Variants in SNX13 observed in about 807,000 individuals in gnomAD.
SNX13 encodes the protein sorting nexin-13.
A neutral mutation model predicts 133.6 loss-of-function variants in SNX13; 45 were observed. That is an observed-to-expected ratio of 0.34 (90% CI 0.27 to 0.43). The LOEUF is 0.43. Ranked by LOEUF, SNX13 falls within the 20% of genes least tolerant of loss-of-function variation. SNX13 has a pLI of 1.00. For missense variants in SNX13, 1,032 were observed against 1,145.1 expected (o/e 0.90, Z 1.43); for synonymous variants, 414 against 373.9 (o/e 1.11, Z -1.24).
chr7:17,871,245 T>C (rs1794084110), intron 8 of SNX13, among the ~76,000 whole-genome samples: 3 of 152,150 alleles, frequency 2.0e-5, no homozygotes, highest in Non-Finnish European at 4.4e-5. Context: ...GACCTCGTGA[T>C]CCGCCCACCT....
At chr7:17,804,407 A>C (rs1052998007) in intron 20 of SNX13, among the ~76,000 whole-genome samples, 2 of 152,170 alleles carry the variant, frequency 1.3e-5, no homozygotes, top group African/African-American at 4.8e-5. Flanking sequence ...TTATATGTGC[A>C]ATTAAAATCT....
At chr7:17,868,650 T>C (rs1409136313) in intron 8 of SNX13, among the ~76,000 whole-genome samples, 160 bp from the exon 9 acceptor site, 2 of 152,114 alleles carry the variant, frequency 1.3e-5, no homozygotes, top group African/African-American at 2.4e-5. Flanking sequence ...TGAACTACTA[T>C]GCCTCAGTTT....
At chr7:17,841,343 A>G (rs1277569483) in intron 12 of SNX13, among the ~76,000 whole-genome samples, 2 of 152,092 alleles carry the variant, frequency 1.3e-5, no homozygotes, top group African/African-American at 4.8e-5. Context: ...TGGGAAAATT[A>G]GAAAGTGACT....
At chr7:17,805,579 C>T (rs1197166511) in intron 20 of SNX13, among the ~76,000 whole-genome samples, 3 of 152,126 alleles carry the variant, frequency 2.0e-5, no homozygotes, top group Non-Finnish European at 2.9e-5. Context: ...AATCTCCAAC[C>T]TGAGTTTAAA....
Position 17,839,759 on chromosome 7 carries a change from T to A in SNX13, c.1359+48A>T, listed in dbSNP as rs780367147. The stretch of plus-strand genomic sequence containing the variant: ...CATAAGCAATGGATTACAAAAATTA[T>A]TAATAATACTGCTAAAGAAGAAAAC... On this transcript the variant is annotated intron_variant, in intron 13 of 25. Transcript: ENST00000428135. 103 of 1,467,448 alleles carry A rather than the reference T, an allele frequency of 7.0e-5. 2 individuals are homozygous for A. The South Asian group carries it at 1.4e-3, about 20-fold the overall frequency. 90.9% of individuals were successfully genotyped at this position (1,467,448 alleles called of 1,614,324 possible). A position where few individuals can be genotyped will look rare whatever the true frequency, so the allele number is the denominator to read the frequency against.
At chr7:17,880,916 A>T (rs956085385) in intron 5 of SNX13, 1 of 152,140 alleles carries the variant, frequency 6.6e-6, no homozygotes, top group African/African-American at 2.4e-5. Flanking sequence ...TGAGCAGAAG[A>T]GGGGGATGAG....
At chr7:17,805,554 C>T (rs1268612361) in intron 20 of SNX13, among the ~76,000 whole-genome samples, 1 of 152,120 alleles carries the variant, frequency 6.6e-6, no homozygotes, top group African/African-American at 2.4e-5. Flanking sequence ...GCATAAAAGG[C>T]ATGAATTTCA....
chr7:17,827,245 C>A (rs1478555962), intron 16 of SNX13, among the ~76,000 whole-genome samples: 1 of 152,016 alleles, frequency 6.6e-6, no homozygotes, highest in African/African-American at 2.4e-5. Flanking sequence ...TAGCAAATCA[C>A]TGAGCCTGGG....
At position 17,826,090 on chromosome 7, in the gene SNX13, G is replaced by T; in HGVS notation, c.1637C>A (p.Ser546Tyr). ...AGAAACATTTGAAAGGTCATCTAAA[G>T]ACTGAGAAAAAAAAATCAGGAAACA... ...NGSPTGSINLSLDDLSNVSSD... is the reference protein window; with the variant it reads ...NGSPTGSINLYLDDLSNVSSD... The change falls in exon 17 of 26, where the codon TCT (serine) becomes TAT (tyrosine). Residue 546 changes from serine (S) to tyrosine (Y), a missense_variant and splice_region_variant. Ser to Tyr is a moderately radical substitution (Grantham distance 144). Coordinates refer to ENST00000428135, the MANE Select transcript of SNX13 (RefSeq NM_015132.5). 6.6e-7 allele frequency: 1 copy of T among 1,513,830 alleles called. No homozygotes were observed. The highest frequency in any genetic ancestry group is 8.8e-7 in the Non-Finnish European group (1 of 1,130,254). The allele number at this position is 1,513,830 out of a possible 1,614,324, so 93.8% of individuals were successfully genotyped here.
rs368516339 is a variant in SNX13, at chr7:17,853,479, T to C, written c.838-2515A>G. Among the ~76,000 whole-genome samples, 6 of 152,276 alleles carry C rather than the reference T, an allele frequency of 3.9e-5. No homozygotes were observed. In the East Asian group the frequency reaches 7.7e-4, roughly 20 times the overall value. ...TACATAGAGGGGATCAATTATACAGTGGAAGTTGACTTCTAATTAGAAACA... is the reference window on the plus strand; with the variant it reads ...TACATAGAGGGGATCAATTATACAGCGGAAGTTGACTTCTAATTAGAAACA... On this transcript the variant is annotated intron_variant, in intron 9 of 25. Coordinates refer to ENST00000428135, the MANE Select transcript of SNX13 (RefSeq NM_015132.5).
At chr7:17,862,990 C>G (rs535467879) in intron 9 of SNX13, among the ~76,000 whole-genome samples, 2 of 152,264 alleles carry the variant, frequency 1.3e-5, no homozygotes, top group South Asian at 4.2e-4. Flanking sequence ...CCCCTCAACC[C>G]TGGACAGCAC....
chr7:17,871,631 C>G (rs1311348723), intron 8 of SNX13, among the ~76,000 whole-genome samples: 2 of 152,174 alleles, frequency 1.3e-5, no homozygotes, highest in East Asian at 3.8e-4. Context: ...GTCTGTTTAA[C>G]CAGAATTCCC....
chr7:17,878,014 T>A (rs1245963546), intron 5 of SNX13, among the ~76,000 whole-genome samples: 1 of 152,066 alleles, frequency 6.6e-6, no homozygotes, highest in Admixed American at 6.5e-5. Flanking sequence ...GGAAAATACT[T>A]TGATGACAGT....
intron 1 of SNX13, chr7:17,898,290 A>G (rs1583678386): frequency 1.3e-5 from 2 of 152,350 alleles, no homozygotes; most frequent in East Asian, 3.9e-4. Flanking sequence ...AGGAGCATAG[A>G]GAAGAATCTC....
At chr7:17,939,611 C>G (rs577664040) in intron 1 of SNX13, among the ~76,000 whole-genome samples, 2 of 152,172 alleles carry the variant, frequency 1.3e-5, no homozygotes, top group African/African-American at 4.8e-5. Context: ...ATTTCAGGTC[C>G]AAAGAAAAAA....
At chr7:17,816,101 T>C (rs377165784) in intron 19 of SNX13, 81 bp downstream of exon 19, 4 of 1,394,486 alleles carry the variant, frequency 2.9e-6, no homozygotes, top group Middle Eastern at 2.6e-4. Flanking sequence ...ACATTCTGTG[T>C]GCTATATTAA....
intron 11 of SNX13, 32 bp downstream of exon 11, chr7:17,850,315 A>C: frequency 6.9e-7 from 1 of 1,445,402 alleles, no homozygotes; most frequent in Non-Finnish European, 9.5e-7. Context: ...AGTATTTATA[A>C]CTAAACGTTA....
At chr7:17,858,721 G>A (rs962266061) in intron 9 of SNX13, among the ~76,000 whole-genome samples, 3 of 152,166 alleles carry the variant, frequency 2.0e-5, no homozygotes, top group Admixed American at 1.3e-4. Flanking sequence ...TCAATATTAC[G>A]ATAAAGCTAA....
rs529525094 is a variant in SNX13, at chr7:17,815,348, T to C, written c.1954-404A>G. 9.2e-5 allele frequency among the ~76,000 whole-genome samples: 14 copies of C among 152,062 alleles called. No individual in the cohort carries two copies. In the East Asian group the frequency reaches 1.4e-3, roughly 15 times the overall value. ...CCTGTAACCCCAGCACTTTTGGAGA[T>C]TGAGGCGGGAAAATTGCCCCAGCCA... On this transcript the variant is annotated intron_variant, in intron 19 of 25. Transcript: ENST00000428135.
Sources: allele counts gnomAD v4.1 joint callset (sites outside exome capture counted in the v4.1 genomes callset), GRCh38; gene constraint gnomAD v4.1.1; transcripts MANE v1.5; gene names NCBI Gene and HGNC (gene_info 2026-07-23, HGNC 2026-07-21).